The following CREB3L2 variants were observed in gnomAD, a reference collection of about 807,000 sequenced individuals.
The protein encoded by CREB3L2 is cAMP responsive element binding protein 3 like 2, also known as cyclic AMP-responsive element-binding protein 3-like protein 2.
CREB3L2 carries 23 observed loss-of-function variants against 57.2 expected under a neutral mutation model. That is an observed-to-expected ratio of 0.40 (90% CI 0.29 to 0.57). The LOEUF (loss-of-function observed/expected upper bound fraction) is 0.57. CREB3L2 is among the 20% of genes least tolerant of loss of function. The pLI is 0.42. For synonymous variants in CREB3L2, 268 were observed against 265.1 expected (o/e 1.01, Z -0.11); for missense variants, 628 against 634.7 (o/e 0.99, Z 0.11).
At chr7:137,988,153 T>A (rs1055592286) in intron 1 of CREB3L2, among the ~76,000 whole-genome samples, 1 of 152,178 alleles carries the variant, frequency 6.6e-6, no homozygotes, top group Non-Finnish European at 1.5e-5. Context: ...GCTGAAGGGC[T>A]TCCTCCTCCC....
At chr7:137,904,126 C>T (rs1174365959) in intron 6 of CREB3L2, 109 bp from the exon 7 acceptor site, 2 of 887,820 alleles carry the variant, frequency 2.3e-6, no homozygotes, top group Non-Finnish European at 1.8e-6. Context: ...CTTACTTCTG[C>T]AAGCTGCTTG....
intron 10 of CREB3L2, among the ~76,000 whole-genome samples, chr7:137,883,912 T>TGG (rs1799351360): frequency 6.6e-6 from 1 of 152,224 alleles, no homozygotes; most frequent in Non-Finnish European, 1.5e-5. Flanking sequence ...CATCCCTTTA[T>TGG]TTCTAGGTGA....
chr7:137,929,963 T>G (rs1800579523), intron 1 of CREB3L2, among the ~76,000 whole-genome samples: 3 of 150,972 alleles, frequency 2.0e-5, no homozygotes, highest in Admixed American at 2.0e-4. Context: ...AATGGCGCGA[T>G]CTCCACTGCA....
At chr7:137,927,947 C>G (rs1800512718) in intron 2 of CREB3L2, among the ~76,000 whole-genome samples, 1 of 152,130 alleles carries the variant, frequency 6.6e-6, no homozygotes, top group Non-Finnish European at 1.5e-5. Flanking sequence ...ATAGCAAGTT[C>G]CAAGGGAACC....
chr7:137,927,269 A>AAAGGG (rs1800488395), intron 2 of CREB3L2, among the ~76,000 whole-genome samples: 1 of 130,154 alleles, frequency 7.7e-6, no homozygotes, highest in African/African-American at 4.1e-5. Context: ...AACGGAAAGG[A>AAAGGG]AAGGAAAGGA....
intron 1 of CREB3L2, among the ~76,000 whole-genome samples, chr7:137,939,572 T>C (rs1231044319): frequency 6.6e-6 from 1 of 152,164 alleles, no homozygotes; most frequent in Admixed American, 6.5e-5. Context: ...CCCCGAGTCC[T>C]CTTGCCCCTT....
At chr7:137,956,937 A>C (rs748326412) in intron 1 of CREB3L2, among the ~76,000 whole-genome samples, 4 of 152,226 alleles carry the variant, frequency 2.6e-5, no homozygotes, top group Non-Finnish European at 4.4e-5. Flanking sequence ...GCTGAACAGC[A>C]TTTCCTTTTG....
At chr7:137,894,961 C>T (rs1310724670) in intron 8 of CREB3L2, among the ~76,000 whole-genome samples, 1 of 152,202 alleles carries the variant, frequency 6.6e-6, no homozygotes, top group Non-Finnish European at 1.5e-5. Flanking sequence ...TCAGTTTCTC[C>T]TTCTGTAAAA....
intron 2 of CREB3L2, among the ~76,000 whole-genome samples, chr7:137,921,771 C>T: frequency 6.6e-6 from 1 of 151,958 alleles, no homozygotes; most frequent in East Asian, 1.9e-4. Context: ...TTCCTAAGCA[C>T]AGTTATATAT....
Position 137,981,166 on chromosome 7 carries a change from G to A in CREB3L2, c.102+20438C>T, listed in dbSNP as rs147414047. Among the ~76,000 whole-genome samples the A allele has an allele frequency of 2.9e-3, 447 of 152,240 alleles. 6 individuals are homozygous for A. The East Asian group carries it at 0.04, about 14-fold the overall frequency. On this transcript the variant is annotated intron_variant, in intron 1 of 11. Coordinates refer to ENST00000330387, the MANE Select transcript of CREB3L2 (RefSeq NM_194071.4). ...CCCAGAGGAGGAGGGGAAGGCCTGCGTGAATGAAAGAAAGAGGAGAGCAAA... is the reference window on the plus strand; with the variant it reads ...CCCAGAGGAGGAGGGGAAGGCCTGCATGAATGAAAGAAAGAGGAGAGCAAA...
intron 2 of CREB3L2, among the ~76,000 whole-genome samples, chr7:137,923,145 T>A (rs984982895): frequency 6.6e-6 from 1 of 152,216 alleles, no homozygotes; most frequent in Non-Finnish European, 1.5e-5. Flanking sequence ...TTTTCTTCAA[T>A]GGAGAAGTTA....
At position 137,905,767 on chromosome 7, in the gene CREB3L2, T is replaced by C. The variant is rs758171721; in HGVS notation, c.850A>G (p.Lys284Glu). 6.2e-7 allele frequency: 1 copy of C among 1,614,094 alleles called. No individual in the cohort carries two copies. Among genetic ancestry groups the C allele is most frequent in the Non-Finnish European group, 8.5e-7 (1 of 1,179,942 alleles). Residue 284 changes from lysine to glutamate, a missense_variant, in exon 6 of 12, where the codon AAA (lysine) becomes GAA (glutamate). Lys to Glu is a moderately conservative substitution (Grantham distance 56). Around this residue, in one of 3 missense-constraint regions of CREB3L2, gnomAD observed 339 missense variants for 355.4 expected, o/e 0.95. Transcript: ENST00000330387. ...LIAEGYPIPTKLPLSKSEEKA... is the reference protein window; with the variant it reads ...LIAEGYPIPTELPLSKSEEKA... ...TCCTCTGATTTTGACAGGGGCAATT[T>C]GGTGGGGATGGGATAGCCCTCAGCG...
chr7:138,001,684 C>T lies in CREB3L2; in HGVS notation c.22G>A (p.Glu8Lys). The T allele has an allele frequency of 6.2e-7, 1 of 1,612,008 alleles. No individual in the cohort carries two copies. The highest frequency in any genetic ancestry group is 8.5e-7 in the Non-Finnish European group (1 of 1,179,692). Residue 8 changes from glutamate to lysine, a missense_variant, in exon 1 of 12, where the codon GAG becomes AAG. By Grantham distance (56) the Glu-to-Lys change is moderately conservative. Around this residue, in one of 3 missense-constraint regions of CREB3L2, gnomAD observed 339 missense variants for 355.4 expected, o/e 0.95. Transcript: ENST00000330387. The surrounding 1 kb of genome is among the most constrained non-coding windows in gnomAD (Gnocchi z 4.2). ...CGGTCCCACTGCAGCACGCCCTGCT[C>T]CCCGCTCTCCAGCACCTCCATGGCG... MEVLESG[E>K]QGVLQWDRKL...
At chr7:137,982,063 C>T (rs1422753216) in intron 1 of CREB3L2, among the ~76,000 whole-genome samples, 1 of 152,166 alleles carries the variant, frequency 6.6e-6, no homozygotes, top group African/African-American at 2.4e-5. Context: ...TGGTGGTGGA[C>T]ACCAGTGTGC....
At chr7:137,956,594 T>C (rs1405054674) in intron 1 of CREB3L2, 1 of 1,288,932 alleles carries the variant, frequency 7.8e-7, no homozygotes, top group African/African-American at 1.5e-5. Flanking sequence ...GTCCTGGCAA[T>C]CCTTCACACG....
intron 8 of CREB3L2, among the ~76,000 whole-genome samples, chr7:137,900,430 G>A (rs1016743393): frequency 2.6e-5 from 4 of 152,154 alleles, no homozygotes; most frequent in South Asian, 2.1e-4. Context: ...ACTTGGTACC[G>A]TTACAATTTT....
chr7:137,979,151 C>A (rs117553361), intron 1 of CREB3L2, among the ~76,000 whole-genome samples: 1 of 152,336 alleles, frequency 6.6e-6, no homozygotes, highest in East Asian at 1.9e-4. Context: ...GGGGAAAGAT[C>A]TGTGTTGAAA....
chr7:137,982,321 T>G (rs1801724213), intron 1 of CREB3L2, among the ~76,000 whole-genome samples: 1 of 152,102 alleles, frequency 6.6e-6, no homozygotes, highest in African/African-American at 2.4e-5. Flanking sequence ...AACACACTGC[T>G]CTGGTCACCG....
intron 1 of CREB3L2, among the ~76,000 whole-genome samples, chr7:137,970,052 G>A (rs751435097): frequency 5.3e-5 from 8 of 152,124 alleles, no homozygotes; most frequent in Non-Finnish European, 1.0e-4. Context: ...TTATGGGGGG[G>A]TTAGAAGATC....
Sources: allele counts gnomAD v4.1 joint callset (sites outside exome capture counted in the v4.1 genomes callset), GRCh38; gene constraint gnomAD v4.1.1; regional missense constraint gnomAD v4.1.1; non-coding constraint Gnocchi (gnomAD v3.1); transcripts MANE v1.5; gene names NCBI Gene and HGNC (gene_info 2026-07-23, HGNC 2026-07-21).